SV2B: variants seen among roughly 807,000 people sequenced by gnomAD.
SV2B encodes the protein synaptic vesicle glycoprotein 2B.
Under a neutral mutation model 73.9 loss-of-function variants are expected in SV2B, and 41 were observed. The ratio of observed to expected loss-of-function variants is 0.56; its 90% confidence interval spans 0.43 to 0.72. The LOEUF (loss-of-function observed/expected upper bound fraction) is 0.72, where lower values mean the gene tolerates loss of function less well. Ranked by LOEUF, SV2B falls within the 30% of genes least tolerant of loss-of-function variation. SV2B has a pLI of 0.00. For synonymous variants in SV2B, 314 were observed against 314.2 expected (o/e 1.00, Z 0.01); for missense variants, 764 against 857.8 (o/e 0.89, Z 1.37).
intron 1 of SV2B, among the ~76,000 whole-genome samples, chr15:91,166,138 G>T (rs2043903748): frequency 6.6e-6 from 1 of 152,062 alleles, no homozygotes; most frequent in African/African-American, 2.4e-5. Flanking sequence ...TGACATTTTG[G>T]GTTAGATATT....
At chr15:91,247,451 T>A (rs1229181719) in intron 2 of SV2B, among the ~76,000 whole-genome samples, 3 of 152,184 alleles carry the variant, frequency 2.0e-5, no homozygotes, top group Admixed American at 1.3e-4. Context: ...GGTGAAACGC[T>A]TTTGAAAAGT....
chr15:91,279,853 G>A (rs2048627590), intron 9 of SV2B, among the ~76,000 whole-genome samples: 1 of 152,196 alleles, frequency 6.6e-6, no homozygotes, highest in Non-Finnish European at 1.5e-5. Flanking sequence ...GCATCTTCTT[G>A]TAACAAAAGA....
At chr15:91,187,710 AATG>A (rs2044829458) in intron 1 of SV2B, among the ~76,000 whole-genome samples, 2 of 151,710 alleles carry the variant, frequency 1.3e-5, no homozygotes, top group African/African-American at 2.4e-5. Context: ...TCCTTGCTGC[AATG>A]ATAAGTAGAT....
At chr15:91,271,532 A>G in intron 9 of SV2B, among the ~76,000 whole-genome samples, 1 of 152,172 alleles carries the variant, frequency 6.6e-6, no homozygotes, top group Non-Finnish European at 1.5e-5. Context: ...AATTTCTTCA[A>G]AAGTTGTAAT....
intron 1 of SV2B, among the ~76,000 whole-genome samples, chr15:91,111,557 G>A (rs1432658349): frequency 1.3e-5 from 2 of 152,228 alleles, no homozygotes; most frequent in African/African-American, 4.8e-5. Context: ...AGGGGATATT[G>A]TCTGATGAGC....
Position 91,289,680 on chromosome 15 carries a change from G to C in SV2B, c.1868G>C (p.Arg623Thr). The C allele has an allele frequency of 6.2e-7, 1 of 1,611,724 alleles. No homozygotes were observed. Among genetic ancestry groups the C allele is most frequent in the Non-Finnish European group, 8.5e-7 (1 of 1,179,090 alleles). Residue 623 changes from arginine to threonine, a missense_variant and splice_region_variant, in exon 12 of 13, where the codon AGA (arginine) becomes ACA (threonine). Physicochemically the swap from Arg to Thr is moderately conservative, Grantham distance 71. Coordinates refer to ENST00000394232, the MANE Select transcript of SV2B (RefSeq NM_001323032.3). This position sits in a 1 kb window ranked among gnomAD's most constrained non-coding sequence, Gnocchi z 4.9. ...ITVELYPTNQ[R>T]ATAFGILNGL... ...GTGGAGCTGTATCCCACCAACCAGA[G>C]GTCAGTTCTTCCCCAGGCTTTCCTC...
At chr15:91,190,319 C>T (rs761667316) in intron 1 of SV2B, among the ~76,000 whole-genome samples, 4 of 144,310 alleles carry the variant, frequency 2.8e-5, no homozygotes, top group Non-Finnish European at 6.0e-5. Flanking sequence ...TATACCTTTT[C>T]ATTTTCAGTG....
intron 1 of SV2B, among the ~76,000 whole-genome samples, chr15:91,185,576 T>C (rs866550546): frequency 3.3e-5 from 5 of 152,206 alleles, no homozygotes; most frequent in South Asian, 2.1e-4. Context: ...GGGAGATGTT[T>C]CTGGCCTCTC....
rs1295326712 is a variant in SV2B at position 91,110,070 on chromosome 15, T to C, written c.-392+9707T>C. ...GGATAAAAGAGCTGTCCGTCATTAC[T>C]CACATTACAAATCACGCTCACTCAG... is the stretch of plus-strand genomic sequence containing the variant. On this transcript the variant is annotated intron_variant, in intron 1 of 12. Coordinates refer to ENST00000394232, the MANE Select transcript of SV2B (RefSeq NM_001323032.3). The surrounding 1 kb of genome is among the most constrained non-coding windows in gnomAD (Gnocchi z 5.4). 1.3e-5 allele frequency among the ~76,000 whole-genome samples: 2 copies of C among 152,204 alleles called. No individual in the cohort carries two copies. The highest frequency in any genetic ancestry group is 4.8e-5 in the African/African-American group (2 of 41,456).
chr15:91,164,984 C>T (rs1192431460), intron 1 of SV2B, among the ~76,000 whole-genome samples: 1 of 152,142 alleles, frequency 6.6e-6, no homozygotes, highest in Non-Finnish European at 1.5e-5. Flanking sequence ...TTTTTTAGTA[C>T]AGCAGCCCTT....
chr15:91,289,611 G>T lies in SV2B; in HGVS notation c.1799G>T (p.Cys600Phe). ...SAMIGWQCLF[C>F]GTSIAAWNAL... ...ATGATCGGCTGGCAGTGCCTGTTCT[G>T]TGGGACAAGCATTGCAGCCTGGAAT... Residue 600 changes from cysteine to phenylalanine, a missense_variant, in exon 12 of 13, where the codon TGT (cysteine) becomes TTT (phenylalanine). Physicochemically the swap from Cys to Phe is radical, Grantham distance 205. Coordinates refer to ENST00000394232, the MANE Select transcript of SV2B (RefSeq NM_001323032.3). The surrounding 1 kb of genome is among the most constrained non-coding windows in gnomAD (Gnocchi z 4.9). 6.2e-7 allele frequency: 1 copy of T among 1,614,204 alleles called. No homozygotes were observed. The highest frequency in any genetic ancestry group is 8.5e-7 in the Non-Finnish European group (1 of 1,180,046).
Position 91,231,211 on chromosome 15 carries a change from C to A in SV2B, c.451+4497C>A, listed in dbSNP as rs985564540. Among the ~76,000 whole-genome samples the A allele has an allele frequency of 1.3e-5, 2 of 152,160 alleles. No homozygotes were observed. The highest frequency in any genetic ancestry group is 6.5e-5 in the Admixed American group (1 of 15,278). On this transcript the variant is annotated intron_variant, in intron 2 of 12. Coordinates refer to ENST00000394232, the MANE Select transcript of SV2B (RefSeq NM_001323032.3). The surrounding 1 kb of genome is among the most constrained non-coding windows in gnomAD (Gnocchi z 4.5). Reference sequence around the variant, plus strand: ...TGGTTCTTACAAATGACATCACTGACAACGGATTGCCATGTTTAGGAGTGC... The same window carrying A: ...TGGTTCTTACAAATGACATCACTGAAAACGGATTGCCATGTTTAGGAGTGC...
chr15:91,207,157 G>C (rs1259235504), intron 1 of SV2B, among the ~76,000 whole-genome samples: 2 of 150,716 alleles, frequency 1.3e-5, no homozygotes, highest in Non-Finnish European at 2.9e-5. Flanking sequence ...AAATAGCTGG[G>C]ACTACAGGCA....
Position 91,229,716 on chromosome 15 carries a change from T to C in SV2B, c.451+3002T>C, listed in dbSNP as rs995039052. On this transcript the variant is annotated intron_variant, in intron 2 of 12. Coordinates refer to ENST00000394232, the MANE Select transcript of SV2B (RefSeq NM_001323032.3). The surrounding 1 kb of genome is among the most constrained non-coding windows in gnomAD (Gnocchi z 4.3). ...ACCTGCCCCTAATCAGTGCTCAAGA[T>C]ATCTTAGTTATTATTATTGTCGATT... is the stretch of plus-strand genomic sequence containing the variant. Among the ~76,000 whole-genome samples, 1 of 152,240 alleles carries C rather than the reference T, an allele frequency of 6.6e-6. No individual in the cohort carries two copies. The highest frequency in any genetic ancestry group is 1.5e-5 in the Non-Finnish European group (1 of 68,038).
intron 1 of SV2B, among the ~76,000 whole-genome samples, chr15:91,203,864 C>G (rs2045546100): frequency 6.6e-6 from 1 of 152,240 alleles, no homozygotes; most frequent in Non-Finnish European, 1.5e-5. Flanking sequence ...CTCTCCCTCT[C>G]TCTCTCTGCA....
rs1252286928 is a variant in SV2B, at chr15:91,106,104, C to T, written c.-392+5741C>T. On this transcript the variant is annotated intron_variant, in intron 1 of 12. Coordinates refer to ENST00000394232, the MANE Select transcript of SV2B (RefSeq NM_001323032.3). The surrounding 1 kb of genome is among the most constrained non-coding windows in gnomAD (Gnocchi z 4.4). Reference sequence around the variant, plus strand: ...GAAGTGGCTAAATTCATAAAGCAGGCAGGATGTGTGGATGAGTTAGATACT... The same window carrying T: ...GAAGTGGCTAAATTCATAAAGCAGGTAGGATGTGTGGATGAGTTAGATACT... Among the ~76,000 whole-genome samples, 4 of 151,932 alleles carry T rather than the reference C, an allele frequency of 2.6e-5. No homozygotes were observed. Among genetic ancestry groups the T allele is most frequent in the Non-Finnish European group, 5.9e-5 (4 of 67,992 alleles).
rs559604465 is a variant in SV2B, at chr15:91,167,015, G to A, written c.-391-58858G>A. On this transcript the variant is annotated intron_variant, in intron 1 of 12. Transcript: ENST00000394232. Reference sequence around the variant, plus strand: ...TTTTTAGTAGAGACGGGGTTTCACCGTGTTATCCAGGATGGTCTTGATCTC... The same window carrying A: ...TTTTTAGTAGAGACGGGGTTTCACCATGTTATCCAGGATGGTCTTGATCTC... 6.6e-5 allele frequency among the ~76,000 whole-genome samples: 10 copies of A among 152,006 alleles called. 1 individual carries two copies. The South Asian group carries it at 1.5e-3, about 22-fold the overall frequency.
Position 91,194,970 on chromosome 15 carries a change from G to C in SV2B, c.-391-30903G>C, listed in dbSNP as rs565625851. Reference sequence around the variant, plus strand: ...GGCCATGATGACTGGCAATATTCAGGATCAGAATGAAGATGAAGGCATGGA... The same window carrying C: ...GGCCATGATGACTGGCAATATTCAGCATCAGAATGAAGATGAAGGCATGGA... On this transcript the variant is annotated intron_variant, in intron 1 of 12. Coordinates refer to ENST00000394232, the MANE Select transcript of SV2B (RefSeq NM_001323032.3). 5.6e-4 allele frequency among the ~76,000 whole-genome samples: 84 copies of C among 150,204 alleles called. 1 individual carries two copies. The highest frequency in any genetic ancestry group is 2.0e-3 in the African/African-American group (80 of 39,514).
intron 9 of SV2B, among the ~76,000 whole-genome samples, chr15:91,278,678 C>CAAA (rs746732650): frequency 7.8e-4 from 33 of 42,268 alleles, no homozygotes; most frequent in Non-Finnish European, 1.0e-3. Flanking sequence ...GACTCCGTCT[C>CAAA]AAAAAAAAAA....
Sources: gnomAD v4.1 joint callset for allele counts (sites outside exome capture counted in the v4.1 genomes callset) on GRCh38, gnomAD v4.1.1 for gene constraint, Gnocchi (gnomAD v3.1) non-coding constraint, MANE v1.5 for transcripts, NCBI Gene and HGNC (gene_info 2026-07-23, HGNC 2026-07-21) for gene names.